The following MACF1 variants were observed in gnomAD, a reference collection of about 807,000 sequenced individuals.
MACF1 encodes microtubule actin crosslinking factor 1.
Under a neutral mutation model 854.8 loss-of-function variants are expected in MACF1, and 193 were observed. That is an observed-to-expected ratio of 0.23 (90% CI 0.20 to 0.25). The LOEUF (loss-of-function observed/expected upper bound fraction) is 0.25. Ranked by LOEUF, MACF1 falls within the 10% of genes least tolerant of loss-of-function variation. The probability of loss-of-function intolerance (pLI) is 1.00; values close to 1 mark genes in which losing one functional copy is unlikely to be tolerated. For synonymous variants in MACF1, 3,185 were observed against 3,226.7 expected, an observed-to-expected ratio of 0.99 and a Z score of 0.44; for missense variants, 7,722 against 8,929.1, an observed-to-expected ratio of 0.86 and a Z score of 5.45.
At chr1:39,130,266 T>C (rs992969022) in intron 2 of MACF1, among the ~76,000 whole-genome samples, 1 of 152,240 alleles carries the variant, frequency 6.6e-6, no homozygotes, top group African/African-American at 2.4e-5. Context: ...ATGATTGGGC[T>C]TTAGCTTTAA....
In MACF1 at chr1:39,234,347, C is replaced by G. The variant is rs1416041455; in HGVS notation, c.171+3104C>G. ...GTGGTGGCCGGGCAGAGGGGCTCCT[C>G]ACTTCCCAGTAGGGGCGGCCGGGCA... On this transcript the variant is annotated intron_variant, in intron 2 of 100. Transcript: ENST00000564288. 3.3e-5 allele frequency among the ~76,000 whole-genome samples: 5 copies of G among 151,740 alleles called. No homozygotes were observed. The East Asian group carries it at 9.9e-4, about 30-fold the overall frequency.
At chr1:39,357,153 C>T (rs1647668150) in intron 44 of MACF1, among the ~76,000 whole-genome samples, 1 of 152,042 alleles carries the variant, frequency 6.6e-6, no homozygotes, top group Non-Finnish European at 1.5e-5. Flanking sequence ...AGGGCTATAC[C>T]TAAAACAAGG....
intron 35 of MACF1, 116 bp downstream of exon 35, chr1:39,324,850 T>C (rs1646580157): frequency 1.4e-6 from 1 of 732,216 alleles, no homozygotes; most frequent in Non-Finnish European, 2.4e-6. Flanking sequence ...AGCCAGATTA[T>C]GGGGACCCTG....
At chr1:39,482,198 T>C (rs1238341721) in intron 99 of MACF1, among the ~76,000 whole-genome samples, 2 of 152,250 alleles carry the variant, frequency 1.3e-5, no homozygotes. Context: ...GGCCATCTCC[T>C]GACTTGGAAT....
intron 6 of MACF1, among the ~76,000 whole-genome samples, chr1:39,265,897 A>G (rs1345161447): frequency 6.6e-6 from 1 of 152,154 alleles, no homozygotes. Context: ...TATCTCATTA[A>G]CCTTGTCTAC....
intron 95 of MACF1, among the ~76,000 whole-genome samples, chr1:39,466,772 G>A (rs1358096693): frequency 1.3e-5 from 2 of 152,210 alleles, no homozygotes; most frequent in Non-Finnish European, 2.9e-5. Context: ...TGGGTTCAGT[G>A]CTGCTGCTAC....
intron 45 of MACF1, among the ~76,000 whole-genome samples, 181 bp downstream of exon 45, chr1:39,358,074 G>T (rs890238938): frequency 6.6e-6 from 1 of 152,162 alleles, no homozygotes; most frequent in Non-Finnish European, 1.5e-5. Context: ...ATAGGTACTA[G>T]CCCAAAGGCC....
chr1:39,417,671 G>A (rs1256015488), intron 58 of MACF1, among the ~76,000 whole-genome samples: 9 of 144,194 alleles, frequency 6.2e-5, no homozygotes, highest in African/African-American at 2.3e-4. Context: ...CCCAGCCTCC[G>A]AAGTAGTTGG....
intron 49 of MACF1, among the ~76,000 whole-genome samples, chr1:39,367,547 C>G (rs1315666348): frequency 6.6e-6 from 1 of 151,914 alleles, no homozygotes; most frequent in Non-Finnish European, 1.5e-5. Flanking sequence ...TGTGTTTACC[C>G]CCATTTTATA....
chr1:39,478,389 CAT>C (rs1304080906), intron 97 of MACF1, among the ~76,000 whole-genome samples: 2 of 152,126 alleles, frequency 1.3e-5, no homozygotes, highest in Non-Finnish European at 2.9e-5. Context: ...ACCATTAAGT[CAT>C]AGATCATCCA....
chr1:39,435,475 T>G, intron 69 of MACF1, 83 bp from the exon 70 acceptor site: 1 of 1,151,938 alleles, frequency 8.7e-7, no homozygotes, highest in Admixed American at 2.2e-5. Context: ...CCTCTTAAAG[T>G]TGATATTAGC....
At chr1:39,110,215 T>G (rs891674333) in intron 2 of MACF1, among the ~76,000 whole-genome samples, 7 of 149,832 alleles carry the variant, frequency 4.7e-5, no homozygotes, top group Admixed American at 2.1e-4. Flanking sequence ...TTTATCCTTT[T>G]TAGTGGATGT....
rs770987584 is a variant in MACF1 at position 39,361,652 on chromosome 1, T to C, written c.12746T>C (p.Ile4249Thr). 2.5e-6 allele frequency: 4 copies of C among 1,614,018 alleles called. No homozygotes were observed. Among genetic ancestry groups the C allele is most frequent in the Non-Finnish European group, 3.4e-6 (4 of 1,180,010 alleles). ...LASGNQPDQD[I>T]THFFQQIQEL... Reference sequence around the variant, plus strand: ...TCTGGAAATCAGCCAGATCAAGATATTACACATTTCTTCCAACAGATCCAG... The same window carrying C: ...TCTGGAAATCAGCCAGATCAAGATACTACACATTTCTTCCAACAGATCCAG... Residue 4249 changes from isoleucine to threonine, a missense_variant, in exon 49 of 101, where the codon ATT (isoleucine) becomes ACT (threonine). Ile to Thr is a moderately conservative substitution (Grantham distance 89, BLOSUM62 -1). Coordinates refer to ENST00000564288, the MANE Select transcript of MACF1 (RefSeq NM_001394062.1).
intron 5 of MACF1, among the ~76,000 whole-genome samples, chr1:39,255,261 C>G (rs1377818693): frequency 1.3e-5 from 2 of 152,088 alleles, no homozygotes; most frequent in African/African-American, 4.8e-5. Flanking sequence ...GGATGAGAAG[C>G]AGAGCACAAG....
chr1:39,177,513 T>C lies in MACF1; in HGVS notation c.221-53669T>C, dbSNP rs184137987. ...GTCCCTGGCTGTCATCATTTTGCTG[T>C]GCAAAAAGGGAACATCAGAGAGGGG... is the stretch of plus-strand genomic sequence containing the variant. On this transcript the variant is annotated intron_variant, in intron 2 of 93. Transcript: ENST00000361689. 3.0e-3 allele frequency among the ~76,000 whole-genome samples: 461 copies of C among 152,192 alleles called. 2 individuals carry two copies. Among genetic ancestry groups the C allele is most frequent in the African/African-American group, 0.011 (444 of 41,520 alleles).
intron 2 of MACF1, among the ~76,000 whole-genome samples, chr1:39,137,640 A>G (rs889340824): frequency 1.3e-5 from 2 of 152,246 alleles, no homozygotes; most frequent in African/African-American, 4.8e-5. Context: ...AGCTGGGATT[A>G]TAGGCATGAG....
intron 2 of MACF1, among the ~76,000 whole-genome samples, chr1:39,147,180 C>T (rs1286479999): frequency 6.7e-6 from 1 of 149,800 alleles, no homozygotes; most frequent in Non-Finnish European, 1.5e-5. Flanking sequence ...CTCCTTTCTT[C>T]TTTCTCCTTT....
At chr1:39,477,075 A>ATACACTTAGTG (rs1557675013) in intron 97 of MACF1, among the ~76,000 whole-genome samples, 5,479 of 51,166 alleles carry the variant, frequency 0.11, 617 homozygotes, top group South Asian at 0.17. Context: ...ATATATATAT[A>ATACACTTAGTG]TATATATATA....
intron 22 of MACF1, among the ~76,000 whole-genome samples, chr1:39,302,263 G>T (rs1386755644): frequency 2.0e-5 from 3 of 152,212 alleles, no homozygotes; most frequent in African/African-American, 7.2e-5. Flanking sequence ...CTTCAGAAGT[G>T]CTGGGATTAT....
Sources: allele counts gnomAD v4.1 joint callset (sites outside exome capture counted in the v4.1 genomes callset), GRCh38; gene constraint gnomAD v4.1.1; transcripts MANE v1.5; gene names NCBI Gene and HGNC (gene_info 2026-07-23, HGNC 2026-07-21).